SMCO1: variants seen among roughly 807,000 people sequenced by gnomAD.
SMCO1 encodes the protein single-pass membrane protein with coiled-coil domains 1, also known as single-pass membrane and coiled-coil domain-containing protein 1.
In SMCO1, 9 loss-of-function variants were observed where a neutral mutation model predicts 7.5. The ratio of observed to expected loss-of-function variants is 1.20; its 90% confidence interval spans 0.72 to 2.09. The LOEUF (loss-of-function observed/expected upper bound fraction) is 2.09. Ranked by LOEUF, SMCO1 falls within the 30% of genes most tolerant of loss-of-function variation. The pLI, the probability that SMCO1 is intolerant of heterozygous loss-of-function variation, is 0.00. For synonymous variants in SMCO1, 90 were observed against 93.8 expected (o/e 0.96, Z 0.23); for missense variants, 219 against 253.1 (o/e 0.87, Z 0.91).
intron 2 of SMCO1, among the ~76,000 whole-genome samples, chr3:196,508,867 G>T (rs1387214967): frequency 6.9e-6 from 1 of 144,368 alleles, no homozygotes; most frequent in East Asian, 2.2e-4. Flanking sequence ...AACCCAGGAA[G>T]TGGAGCTTGC....
rs748179960 is a variant in SMCO1, at chr3:196,508,322, T to C, written c.210A>G (p.Ser70=). Reference sequence around the variant, plus strand: ...AGCTGTATAAAATATTCAATTCCATTGAAGTGAGCCTACAAAAAATATGGA... The same window carrying C: ...AGCTGTATAAAATATTCAATTCCATCGAAGTGAGCCTACAAAAAATATGGA... ...WTAVRALQLT[S]MELNILYSYV... The change falls in exon 3 of 3, where the codon TCA becomes TCG. Residue 70 remains serine, a synonymous_variant. Transcript: ENST00000397537. The C allele has an allele frequency of 1.3e-5, 20 of 1,590,520 alleles. No individual in the cohort carries two copies. The highest frequency in any genetic ancestry group is 1.6e-5 in the Non-Finnish European group (19 of 1,168,752).
chr3:196,508,299 C>A lies in SMCO1; in HGVS notation c.233G>T (p.Ser78Ile), dbSNP rs779953451. The change falls in exon 3 of 3, where the codon AGC becomes ATC. Residue 78 changes from serine to isoleucine, a missense_variant. By Grantham distance (142) the Ser-to-Ile change is moderately radical (BLOSUM62 -2). Transcript: ENST00000397537. ...GCAGATAAGTACTTCAATGACGTAG[C>A]TGTATAAAATATTCAATTCCATTGA... Reference protein sequence around the residue: ...LTSMELNILYSYVIEVLICLH... With the variant: ...LTSMELNILYIYVIEVLICLH... The A allele has an allele frequency of 1.7e-5, 27 of 1,612,316 alleles. No individual in the cohort carries two copies. The highest frequency in any genetic ancestry group is 2.1e-5 in the Non-Finnish European group (25 of 1,179,164).
upstream of SMCO1, among the ~76,000 whole-genome samples, chr3:196,519,399 A>AT (rs994000920): frequency 3.3e-5 from 5 of 152,104 alleles, no homozygotes; most frequent in African/African-American, 4.8e-5. Flanking sequence ...TAGCTTCCCA[A>AT]TTTTTCCATT....
At position 196,515,312 on chromosome 3, in the gene SMCO1, A is replaced by G. The variant is rs1021122685; in HGVS notation, c.-103T>C. ...TGCGGTCTTCCTCTCAGCAACAGGC[A>G]GCAGTAGCAGGAGCGCTCAGTCTAC... On this transcript the variant is annotated 5_prime_UTR_variant, in exon 1 of 3. Coordinates refer to ENST00000397537, the MANE Select transcript of SMCO1 (RefSeq NM_001077657.3). 13 of 839,514 alleles carry G rather than the reference A, an allele frequency of 1.5e-5. No individual in the cohort carries two copies. In the Admixed American group the frequency reaches 2.4e-4, roughly 15 times the overall value. The allele number at this position is 839,514 out of a possible 1,614,324, so 52.0% of individuals were successfully genotyped here.
chr3:196,508,278 A>G lies in SMCO1; in HGVS notation c.254T>C (p.Ile85Thr), dbSNP rs754427658. The G allele has an allele frequency of 8.7e-6, 14 of 1,613,968 alleles. No homozygotes were observed. Among genetic ancestry groups the G allele is most frequent in the Non-Finnish European group, 1.1e-5 (13 of 1,179,976 alleles). Reference protein sequence around the residue: ...ILYSYVIEVLICLHTRVLEKL... With the variant: ...ILYSYVIEVLTCLHTRVLEKL... ...CTCAAGCACACGAGTATGCAAGCAG[A>G]TAAGTACTTCAATGACGTAGCTGTA... is the stretch of plus-strand genomic sequence containing the variant. Residue 85 changes from isoleucine (I) to threonine (T), a missense_variant, in exon 3 of 3, where the codon ATC (isoleucine) becomes ACC (threonine). Physicochemically the swap from Ile to Thr is moderately conservative, Grantham distance 89. Coordinates refer to ENST00000397537, the MANE Select transcript of SMCO1 (RefSeq NM_001077657.3).
upstream of SMCO1, among the ~76,000 whole-genome samples, chr3:196,519,988 GA>G (rs1283938171): frequency 7.9e-5 from 12 of 152,286 alleles, no homozygotes; most frequent in East Asian, 2.3e-3. Flanking sequence ...ACACCAAAAG[GA>G]AGGAGACTAA....
intron 1 of SMCO1, among the ~76,000 whole-genome samples, chr3:196,514,207 C>T (rs1733323152): frequency 6.6e-6 from 1 of 152,162 alleles, no homozygotes; most frequent in Admixed American, 6.6e-5. Context: ...ACTGGATCTC[C>T]TCAGCAGGAA....
chr3:196,512,125 A>C (rs887504563), intron 1 of SMCO1, among the ~76,000 whole-genome samples: 5 of 150,226 alleles, frequency 3.3e-5, no homozygotes, highest in African/African-American at 1.2e-4. Flanking sequence ...AGCCACCTAG[A>C]TTGTGGTTAT....
chr3:196,519,888 A>C (rs986151120), upstream of SMCO1, among the ~76,000 whole-genome samples: 1 of 152,140 alleles, frequency 6.6e-6, no homozygotes, highest in Non-Finnish European at 1.5e-5. Flanking sequence ...CACGGGCGGC[A>C]CATTTAACAA....
chr3:196,518,600 G>A (rs1250419394), upstream of SMCO1, among the ~76,000 whole-genome samples: 1 of 152,144 alleles, frequency 6.6e-6, no homozygotes, highest in Non-Finnish European at 1.5e-5. Context: ...AAGGACCCTG[G>A]CACAAGACAA....
rs749743121 is a variant in SMCO1, at chr3:196,509,513, TACTC to T, written c.200+3_200+6del. ...AGAATCCCACTGATTTCTCAATTGA[TACTC>T]ACTGGAGTGCCCGAACTGCTGTCCA... On this transcript the variant is annotated splice_donor_5th_base_variant and intron_variant, in intron 2 of 2. Transcript: ENST00000397537. 2.4e-5 allele frequency: 38 copies of T among 1,604,154 alleles called. No individual in the cohort carries two copies. Among genetic ancestry groups the T allele is most frequent in the Non-Finnish European group, 3.2e-5 (38 of 1,173,250 alleles).
At chr3:196,511,016 C>T (rs1733207714) in intron 1 of SMCO1, among the ~76,000 whole-genome samples, 1 of 152,198 alleles carries the variant, frequency 6.6e-6, no homozygotes, top group African/African-American at 2.4e-5. Context: ...ACCACAAAGA[C>T]TGGAGCAACA....
chr3:196,513,135 C>T (rs1296999475), intron 1 of SMCO1, among the ~76,000 whole-genome samples: 2 of 151,364 alleles, frequency 1.3e-5, no homozygotes, highest in South Asian at 2.1e-4. Flanking sequence ...TTGAGACCAG[C>T]TTGGGCAACA....
chr3:196,514,834 C>T (rs142641486), intron 1 of SMCO1, among the ~76,000 whole-genome samples: 432 of 152,280 alleles, frequency 2.8e-3, no homozygotes, highest in African/African-American at 9.8e-3. Flanking sequence ...CTCCACCTCC[C>T]GGGTTCAAGT....
rs1349991761 is a variant in SMCO1, at chr3:196,515,251, C to A, written c.-42G>T. On this transcript the variant is annotated 5_prime_UTR_variant, in exon 1 of 3. Transcript: ENST00000397537. ...GAAAGAAAACAAAAACAAAGCAAAACAAAAAAAGCAATAAATGTTTGAATC... is the reference window on the plus strand; with the variant it reads ...GAAAGAAAACAAAAACAAAGCAAAAAAAAAAAAGCAATAAATGTTTGAATC... 1.4e-6 allele frequency: 2 copies of A among 1,481,060 alleles called. No individual in the cohort carries two copies. The highest frequency in any genetic ancestry group is 1.7e-5 in the Admixed American group (1 of 58,134). The allele number at this position is 1,481,060 out of a possible 1,614,324, so 91.7% of individuals were successfully genotyped here. A position where few individuals can be genotyped will look rare whatever the true frequency, so the allele number is the denominator to read the frequency against.
chr3:196,513,625 C>T (rs1733307142), intron 1 of SMCO1, among the ~76,000 whole-genome samples: 1 of 34,788 alleles, frequency 2.9e-5, no homozygotes, highest in Non-Finnish European at 4.7e-5. Flanking sequence ...GAGACTCTGT[C>T]TCAAAAAAAA....
chr3:196,512,781 T>A (rs1043635487), intron 1 of SMCO1, among the ~76,000 whole-genome samples: 2 of 152,114 alleles, frequency 1.3e-5, no homozygotes, highest in South Asian at 4.1e-4. Flanking sequence ...GTTCTGGGAT[T>A]ACAGGCGTGA....
chr3:196,512,509 CTTTTTTTTTTT>C (rs36023059), intron 1 of SMCO1, among the ~76,000 whole-genome samples: 1 of 114,044 alleles, frequency 8.8e-6, no homozygotes, highest in Non-Finnish European at 1.7e-5. Flanking sequence ...TATTTCCTTT[CTTTTTTTTTTT>C]TTTTTTTTTT....
chr3:196,517,520 G>A (rs961245339), upstream of SMCO1, among the ~76,000 whole-genome samples: 12 of 152,146 alleles, frequency 7.9e-5, no homozygotes, highest in Non-Finnish European at 4.4e-5. Flanking sequence ...GTGCTGGGGA[G>A]AGGGTGTGGA....
Sources: allele counts gnomAD v4.1 joint callset (sites outside exome capture counted in the v4.1 genomes callset), GRCh38; gene constraint gnomAD v4.1.1; transcripts MANE v1.5; gene names NCBI Gene and HGNC (gene_info 2026-07-23, HGNC 2026-07-21).